LOC400499: variants seen among roughly 807,000 people sequenced by gnomAD.
chr16:11,438,912 T>C, the LOC400499 span, among the ~76,000 whole-genome samples: 14 of 152,136 alleles, frequency 9.2e-5, no homozygotes, highest in African/African-American at 3.1e-4. Flanking sequence ...CTGGGCAACA[T>C]AGTGAGACCC....
the LOC400499 span, among the ~76,000 whole-genome samples, chr16:11,515,305 T>G: frequency 6.6e-6 from 1 of 151,318 alleles, no homozygotes; most frequent in East Asian, 1.9e-4. Flanking sequence ...AAAAAAAAAT[T>G]TAACCAGGAA....
the LOC400499 span, among the ~76,000 whole-genome samples, chr16:11,440,243 T>C: frequency 1.3e-5 from 2 of 152,162 alleles, no homozygotes; most frequent in African/African-American, 2.4e-5. Context: ...CAATGGCTGC[T>C]ATATATTCAC....
chr16:11,397,597 G>A, the LOC400499 span, among the ~76,000 whole-genome samples: 1 of 152,130 alleles, frequency 6.6e-6, no homozygotes, highest in African/African-American at 2.4e-5. Flanking sequence ...CTGGAATACA[G>A]CCGTAAGGAT....
At chr16:11,487,216 G>C in the LOC400499 span, 1 of 398,810 alleles carries the variant, frequency 2.5e-6, no homozygotes, top group Non-Finnish European at 4.4e-6. Context: ...TTTGGCCCAA[G>C]TCTAGGAGAG....
At chr16:11,494,426 G>A in the LOC400499 span, 4 of 393,400 alleles carry the variant, frequency 1.0e-5, no homozygotes, top group African/African-American at 6.2e-5. Flanking sequence ...GTGAGGAGAC[G>A]GGTTGAAGTG....
the LOC400499 span, chr16:11,430,965 G>C: frequency 2.5e-6 from 1 of 398,560 alleles, no homozygotes; most frequent in African/African-American, 2.1e-5. Flanking sequence ...GACTTGGGTG[G>C]AAATGAATCT....
chr16:11,468,667 G>A, the LOC400499 span, among the ~76,000 whole-genome samples: 2 of 151,304 alleles, frequency 1.3e-5, no homozygotes, highest in Non-Finnish European at 2.9e-5. Flanking sequence ...TCGCTCTGTC[G>A]CCCAGGCTGG....
the LOC400499 span, among the ~76,000 whole-genome samples, chr16:11,432,902 G>A: frequency 1.3e-5 from 2 of 152,206 alleles, no homozygotes; most frequent in East Asian, 1.9e-4. Flanking sequence ...GGAACTCATG[G>A]CATGAATTTT....
At chr16:11,490,329 G>A in the LOC400499 span, among the ~76,000 whole-genome samples, 3,477 of 150,006 alleles carry the variant, frequency 0.023, 103 homozygotes, top group East Asian at 0.16. Context: ...CCAGAAGGCA[G>A]AGGTTGCAGT....
the LOC400499 span, among the ~76,000 whole-genome samples, chr16:11,379,543 T>G: frequency 8.5e-5 from 13 of 152,266 alleles, no homozygotes; most frequent in African/African-American, 2.4e-4. Context: ...GGAATTCATT[T>G]GTATTTTTAA....
the LOC400499 span, chr16:11,470,795 T>C: frequency 6.6e-6 from 1 of 152,576 alleles, no homozygotes; most frequent in East Asian, 1.9e-4. Flanking sequence ...GATGCTGGTC[T>C]AGACAGGGAG....
At chr16:11,524,361 G>GCCCCCCCCCCCCCCCCC in the LOC400499 span, among the ~76,000 whole-genome samples, 3 of 93,738 alleles carry the variant, frequency 3.2e-5, no homozygotes, top group Admixed American at 1.0e-4. Context: ...CATCCACCCA[G>GCCCCCCCCCCCCCCCCC]CCACCCACCC....
chr16:11,445,430 A>G, the LOC400499 span, among the ~76,000 whole-genome samples: 39 of 152,112 alleles, frequency 2.6e-4, 1 homozygote, highest in African/African-American at 8.9e-4. Context: ...CCAAAAAAAA[A>G]AAAGAAAGAA....
the LOC400499 span, chr16:11,472,194 C>CTT: frequency 8.3e-5 from 12 of 144,422 alleles, no homozygotes; most frequent in East Asian, 2.0e-4. Context: ...TAGACTTTTT[C>CTT]TTTTTTTTTT....
At chr16:11,494,389 C>G in the LOC400499 span, among the ~76,000 whole-genome samples, 1 of 135,704 alleles carries the variant, frequency 7.4e-6, no homozygotes. Context: ...ATAGAAGGGG[C>G]AGTGGCGTGG....
the LOC400499 span, among the ~76,000 whole-genome samples, chr16:11,458,765 G>A: frequency 3.0e-3 from 458 of 152,148 alleles, 2 homozygotes; most frequent in Middle Eastern, 3.4e-3. Context: ...GCCGGGTGTG[G>A]TGGCTCATGC....
chr16:11,452,580 C>T, the LOC400499 span, among the ~76,000 whole-genome samples: 2 of 152,216 alleles, frequency 1.3e-5, no homozygotes, highest in Non-Finnish European at 2.9e-5. Context: ...TTTGGAACTC[C>T]GGAGCTGGAA....
the LOC400499 span, chr16:11,399,186 C>A: frequency 2.0e-6 from 2 of 984,254 alleles, no homozygotes; most frequent in African/African-American, 3.5e-5. Context: ...TCTCCCTCCG[C>A]CCCCTCCCGA....
the LOC400499 span, chr16:11,402,109 G>A: frequency 7.5e-6 from 3 of 399,180 alleles, no homozygotes; most frequent in African/African-American, 6.2e-5. Flanking sequence ...AGGACAGGCG[G>A]AGGCTGCAGT....
Sources: allele counts gnomAD v4.1 joint callset (sites outside exome capture counted in the v4.1 genomes callset), GRCh38; gene constraint gnomAD v4.1.1; transcripts MANE v1.5.